The following MAP4K4 variants were observed in gnomAD, a reference collection of about 807,000 sequenced individuals.
MAP4K4 encodes the protein HPK/GCK-like kinase HGK.
Under a neutral mutation model 189.6 loss-of-function variants are expected in MAP4K4, and 38 were observed. That is an observed-to-expected ratio of 0.20 (90% CI 0.15 to 0.26). The LOEUF (loss-of-function observed/expected upper bound fraction) is 0.26. Ranked by LOEUF, MAP4K4 falls within the 10% of genes least tolerant of loss-of-function variation. The probability of loss-of-function intolerance (pLI) is 1.00; values close to 1 mark genes in which losing one functional copy is unlikely to be tolerated. For missense variants in MAP4K4, 1,054 were observed against 1,726.9 expected (o/e 0.61, Z 6.91); for synonymous variants, 610 against 624.3 (o/e 0.98, Z 0.34).
chr2:101,863,805 T>C lies in MAP4K4; in HGVS notation c.1867-16T>C. 7.3e-7 allele frequency: 1 copy of C among 1,361,374 alleles called. No homozygotes were observed. 84.3% of individuals were successfully genotyped at this position (1,361,374 alleles called of 1,614,324 possible). On this transcript the variant is annotated splice_polypyrimidine_tract_variant and intron_variant, in intron 16 of 32. Coordinates refer to ENST00000324219, the Ensembl canonical transcript of MAP4K4. ...GCAGAACGCATTGAATGTTTTGTGT[T>C]TTGTTTTCTTGTAAGGTACAGTGGT...
At chr2:101,754,629 C>T (rs1422356761) in intron 2 of MAP4K4, among the ~76,000 whole-genome samples, 1 of 152,178 alleles carries the variant, frequency 6.6e-6, no homozygotes, top group Admixed American at 6.5e-5. Flanking sequence ...GCTGGGATTA[C>T]AGGCATGAGC....
In MAP4K4 at chr2:101,755,929, CTTTTTTTTTTTTTTTTTTTT is replaced by C. The variant is rs57392183; in HGVS notation, c.124-34781_124-34762del. On this transcript the variant is annotated intron_variant, in intron 2 of 32. Coordinates refer to ENST00000324219, the Ensembl canonical transcript of MAP4K4. ...TTTATTTATAGTATGAGTTCTTTTT[CTTTTTTTTTTTTTTTTTTTT>C]TTTTTTTTTGAGACAGCGTCTTGCC... Among the ~76,000 whole-genome samples the C allele has an allele frequency of 1.0e-4, 6 of 57,742 alleles. No homozygotes were observed. In the South Asian group the frequency reaches 2.3e-3, roughly 22 times the overall value. 37.9% of individuals were successfully genotyped at this position (57,742 alleles called of 152,430 possible). A position where few individuals can be genotyped will look rare whatever the true frequency, so the allele number is the denominator to read the frequency against.
chr2:101,867,845 A>T (rs2097860778), intron 20 of MAP4K4, 184 bp from the exon 21 acceptor site: 1 of 614,822 alleles, frequency 1.6e-6, no homozygotes, highest in African/African-American at 1.8e-5. Context: ...AATCCCTCTG[A>T]TGTTACCTGA....
exon 33 of MAP4K4, chr2:101,891,198 C>T (rs1409843979): frequency 6.2e-7 from 1 of 1,613,916 alleles, no homozygotes; most frequent in Admixed American, 1.7e-5. Flanking sequence ...CTGGTGGCAG[C>T]AGTCAGGTTT....
chr2:101,775,518 G>A (rs1010971668), intron 2 of MAP4K4, among the ~76,000 whole-genome samples: 1 of 151,960 alleles, frequency 6.6e-6, no homozygotes, highest in Non-Finnish European at 1.5e-5. Context: ...GAATATGTTT[G>A]TCATATAACA....
chr2:101,698,386 C>G, intron 1 of MAP4K4, 87 bp from the exon 2 acceptor site: 1 of 1,264,196 alleles, frequency 7.9e-7, no homozygotes. Flanking sequence ...TCTTTTGTCA[C>G]CGCCTTTTCT....
At chr2:101,894,247 A>C (rs1221797619) in exon 33 of MAP4K4, 1 of 152,754 alleles carries the variant, frequency 6.5e-6, no homozygotes, top group East Asian at 1.9e-4. Flanking sequence ...AAACAAAACA[A>C]AAATGTCTCT....
At chr2:101,894,173 G>T (rs2098600087) in exon 33 of MAP4K4, 1 of 152,726 alleles carries the variant, frequency 6.5e-6, no homozygotes. Flanking sequence ...AATTACACAA[G>T]AAAACAGTAT....
intron 2 of MAP4K4, among the ~76,000 whole-genome samples, chr2:101,740,315 G>A (rs1207023338): frequency 7.9e-6 from 1 of 127,134 alleles, no homozygotes. Flanking sequence ...CACTACGCCC[G>A]GCTAATTTTT....
chr2:101,735,342 A>C (rs1452706102), intron 2 of MAP4K4, among the ~76,000 whole-genome samples: 1 of 152,168 alleles, frequency 6.6e-6, no homozygotes, highest in East Asian at 1.9e-4. Flanking sequence ...ATTTATCTTC[A>C]TCTCTGTACT....
At chr2:101,870,817 G>A (rs1364580252) in intron 23 of MAP4K4, among the ~76,000 whole-genome samples, 1 of 152,190 alleles carries the variant, frequency 6.6e-6, no homozygotes, top group Non-Finnish European at 1.5e-5. Context: ...CAGTGCCACA[G>A]TGGGAGCGGG....
chr2:101,808,063 G>A (rs2095126079), intron 3 of MAP4K4, among the ~76,000 whole-genome samples: 1 of 152,214 alleles, frequency 6.6e-6, no homozygotes, highest in Non-Finnish European at 1.5e-5. Context: ...AACAACGGAA[G>A]TTTTCTTCAG....
chr2:101,840,017 C>T (rs2096868421), intron 10 of MAP4K4, 23 bp downstream of exon 10: 1 of 1,566,122 alleles, frequency 6.4e-7, no homozygotes. Flanking sequence ...TTTTTGTTTT[C>T]ATCCTTTAAA....
chr2:101,809,274 T>C (rs550916674), intron 3 of MAP4K4, among the ~76,000 whole-genome samples: 11 of 152,278 alleles, frequency 7.2e-5, no homozygotes, highest in African/African-American at 2.6e-4. Context: ...GGCTTTTAGA[T>C]TGTAAATTAC....
At chr2:101,703,326 A>G (rs2040102424) in intron 2 of MAP4K4, among the ~76,000 whole-genome samples, 1 of 152,106 alleles carries the variant, frequency 6.6e-6, no homozygotes, top group Non-Finnish European at 1.5e-5. Flanking sequence ...TTAAGTGGGT[A>G]CACGGTTTGC....
chr2:101,793,556 G>C (rs1189280343), intron 3 of MAP4K4, among the ~76,000 whole-genome samples: 1 of 150,478 alleles, frequency 6.6e-6, no homozygotes, highest in Non-Finnish European at 1.5e-5. Flanking sequence ...GATGAGAACA[G>C]GACTCTTCAT....
Position 101,855,958 on chromosome 2 carries a change from T to C in MAP4K4, c.1234-19T>C, listed in dbSNP as rs886890425. 6.5e-6 allele frequency: 10 copies of C among 1,541,130 alleles called. No individual in the cohort carries two copies. Among genetic ancestry groups the C allele is most frequent in the East Asian group, 4.9e-5 (2 of 41,020 alleles). On this transcript the variant is annotated intron_variant, in intron 12 of 32. Transcript: ENST00000324219. ...ATGGCGGGAAGATCCCTGGTAATTATACATTTTTACTTACGTAGCAACAAA... is the reference window on the plus strand; with the variant it reads ...ATGGCGGGAAGATCCCTGGTAATTACACATTTTTACTTACGTAGCAACAAA...
At chr2:101,862,050 C>G (rs1017819706) in intron 16 of MAP4K4, 1 of 151,778 alleles carries the variant, frequency 6.6e-6, no homozygotes, top group African/African-American at 2.4e-5. Flanking sequence ...GCCTGGCCAA[C>G]CTGGCAAAAC....
chr2:101,749,288 C>T (rs1361210845), intron 2 of MAP4K4, among the ~76,000 whole-genome samples: 4 of 150,958 alleles, frequency 2.6e-5, no homozygotes. Context: ...ACCAAAACAG[C>T]ATGGTACTGG....
Sources: gnomAD v4.1 joint callset for allele counts (sites outside exome capture counted in the v4.1 genomes callset) on GRCh38, gnomAD v4.1.1 for gene constraint, MANE v1.5 for transcripts, NCBI Gene and HGNC (gene_info 2026-07-23, HGNC 2026-07-21) for gene names.